Variants in MTHFSD observed in about 807,000 individuals in gnomAD.
MTHFSD encodes the protein methenyltetrahydrofolate synthetase domain containing.
A neutral mutation model predicts 31.1 loss-of-function variants in MTHFSD; 37 were observed. That is an observed-to-expected ratio of 1.19 (90% CI 0.91 to 1.56). The LOEUF is 1.56. Ranked by LOEUF, MTHFSD falls within the 40% of genes most tolerant of loss-of-function variation. MTHFSD has a pLI of 0.00. For synonymous variants in MTHFSD, 221 were observed against 206.9 expected (o/e 1.07, Z -0.59); for missense variants, 664 against 510.1 (o/e 1.30, Z -2.91).
chr16:86,545,067 G>A (rs966886277), intron 5 of MTHFSD, among the ~76,000 whole-genome samples: 3 of 152,216 alleles, frequency 2.0e-5, no homozygotes, highest in Admixed American at 6.5e-5. Context: ...GGCAGGGGCA[G>A]TGGGAGGGAG....
rs760218043 is a variant in MTHFSD, at chr16:86,552,013, G to C, written c.237+20C>G. The C allele has an allele frequency of 6.2e-7, 1 of 1,614,006 alleles. No homozygotes were observed. The highest frequency in any genetic ancestry group is 8.5e-7 in the Non-Finnish European group (1 of 1,179,952). ...CCCTTGGCGGCCAGGTCTCGGCTCG[G>C]CTCAGGGAAGTGGAATTACCTGCAG... On this transcript the variant is annotated intron_variant, in intron 3 of 7. Coordinates refer to ENST00000360900, the MANE Select transcript of MTHFSD (RefSeq NM_001159377.2).
At position 86,553,684 on chromosome 16, in the gene MTHFSD, C is replaced by G. The variant is rs989875966; in HGVS notation, c.123+961G>C. 5 of 153,204 alleles carry G rather than the reference C, an allele frequency of 3.3e-5. No individual in the cohort carries two copies. The Admixed American group carries it at 3.3e-4, about 10-fold the overall frequency. 9.5% of individuals were successfully genotyped at this position (153,204 alleles called of 1,614,324 possible). A position where few individuals can be genotyped will look rare whatever the true frequency, so the allele number is the denominator to read the frequency against. On this transcript the variant is annotated intron_variant, in intron 2 of 7. Transcript: ENST00000360900. The stretch of plus-strand genomic sequence containing the variant: ...CAGCTAGAGCCTCCCCGAGGAGCGA[C>G]GCTCCTGCTCCACGGTGCCTGGTGC...
In MTHFSD at chr16:86,542,521, G is replaced by A. The variant is rs546720376; in HGVS notation, c.443-308C>T. ...ACTCATGTCAGCTTTATGTTAGCAA[G>A]ACTCATACTTAAAAAGAATGAAAAG... On this transcript the variant is annotated intron_variant, in intron 5 of 7. Transcript: ENST00000360900. The surrounding 1 kb of genome is among the most constrained non-coding windows in gnomAD (Gnocchi z 4.6). 1.9e-4 allele frequency: 52 copies of A among 272,480 alleles called. 1 individual carries two copies. Among genetic ancestry groups the A allele is most frequent in the South Asian group, 1.5e-3 (17 of 11,118 alleles). The allele number at this position is 272,480 out of a possible 1,614,324, so 16.9% of individuals were successfully genotyped here.
chr16:86,545,651 C>G (rs1332020367), intron 5 of MTHFSD, among the ~76,000 whole-genome samples: 3 of 152,146 alleles, frequency 2.0e-5, no homozygotes, highest in Non-Finnish European at 2.9e-5. Flanking sequence ...CAGGCTGGCA[C>G]GTCCCTCCTC....
chr16:86,535,123 A>G (rs1157704531), intron 7 of MTHFSD: 1 of 557,268 alleles, frequency 1.8e-6, no homozygotes, highest in Non-Finnish European at 2.3e-6. Flanking sequence ...CAAATATACA[A>G]TCGGCTGAAG....
intron 2 of MTHFSD, among the ~76,000 whole-genome samples, chr16:86,554,327 G>A (rs1328430431): frequency 6.6e-6 from 1 of 152,174 alleles, no homozygotes. Flanking sequence ...CAGACACGCT[G>A]CCTTTAAAAA....
At chr16:86,551,699 C>A (rs1017426097) in intron 3 of MTHFSD, among the ~76,000 whole-genome samples, 1 of 152,176 alleles carries the variant, frequency 6.6e-6, no homozygotes, top group African/African-American at 2.4e-5. Flanking sequence ...GTGGTGTCAT[C>A]TATTTCAGCT....
chr16:86,540,305 G>T (rs191643829), intron 7 of MTHFSD, among the ~76,000 whole-genome samples: 1 of 152,318 alleles, frequency 6.6e-6, no homozygotes, highest in East Asian at 1.9e-4. Context: ...GACAAACAGC[G>T]AAGCCCCCGA....
intron 7 of MTHFSD, chr16:86,540,597 A>G: frequency 1.1e-6 from 1 of 873,082 alleles, no homozygotes. Context: ...CAACCTTCCC[A>G]CCATCCCTGT....
At chr16:86,544,865 A>T (rs1473611922) in intron 5 of MTHFSD, among the ~76,000 whole-genome samples, 1 of 152,246 alleles carries the variant, frequency 6.6e-6, no homozygotes, top group Non-Finnish European at 1.5e-5. Flanking sequence ...ACTATGGAAT[A>T]CTATGCAGCC....
chr16:86,554,839 C>T, intron 1 of MTHFSD, 88 bp from the exon 2 acceptor site: 1 of 1,217,512 alleles, frequency 8.2e-7, no homozygotes, highest in Non-Finnish European at 1.2e-6. Flanking sequence ...GCGACCCCCG[C>T]GTGTAGGTCA....
At chr16:86,551,848 T>C (rs565559450) in intron 3 of MTHFSD, 185 bp downstream of exon 3, 16 of 1,109,544 alleles carry the variant, frequency 1.4e-5, no homozygotes, top group African/African-American at 6.3e-5. Context: ...ACTGAATTGC[T>C]AAACAGCTGA....
chr16:86,547,291 T>C (rs1972461911), intron 4 of MTHFSD: 7 of 985,694 alleles, frequency 7.1e-6, no homozygotes, highest in Non-Finnish European at 8.4e-6. Context: ...ATATAAAGAA[T>C]AGGGAAGCTG....
chr16:86,546,325 A>G (rs1972296497), intron 5 of MTHFSD, among the ~76,000 whole-genome samples: 2 of 152,244 alleles, frequency 1.3e-5, no homozygotes, highest in South Asian at 4.1e-4. Context: ...GAGTTATCTC[A>G]CTTTGTTTTT....
At chr16:86,551,258 G>A (rs1433697680) in intron 3 of MTHFSD, among the ~76,000 whole-genome samples, 1 of 152,098 alleles carries the variant, frequency 6.6e-6, no homozygotes, top group Non-Finnish European at 1.5e-5. Context: ...CAACCCTGGG[G>A]GAGTTTTCTG....
chr16:86,537,827 C>A (rs1202017733), intron 7 of MTHFSD, among the ~76,000 whole-genome samples: 1 of 152,156 alleles, frequency 6.6e-6, no homozygotes, highest in Non-Finnish European at 1.5e-5. Context: ...AGAATTGTTT[C>A]CTTGAGTATA....
chr16:86,539,592 C>A (rs906252727), intron 7 of MTHFSD, among the ~76,000 whole-genome samples: 8 of 152,208 alleles, frequency 5.3e-5, no homozygotes, highest in African/African-American at 1.7e-4. Flanking sequence ...AATACACTCA[C>A]TGGCCACCTG....
intron 4 of MTHFSD, 103 bp downstream of exon 4, chr16:86,548,360 TA>T: frequency 9.5e-7 from 1 of 1,047,788 alleles, no homozygotes; most frequent in Non-Finnish European, 1.4e-6. Context: ...TTGGCTCTGT[TA>T]AAAATGAATT....
chr16:86,550,784 C>A (rs964877089), intron 3 of MTHFSD, among the ~76,000 whole-genome samples: 1 of 152,206 alleles, frequency 6.6e-6, no homozygotes, highest in Non-Finnish European at 1.5e-5. Context: ...GGAAGCTATG[C>A]TTCTGGAAGA....
Sources: allele counts gnomAD v4.1 joint callset (sites outside exome capture counted in the v4.1 genomes callset), GRCh38; gene constraint gnomAD v4.1.1; non-coding constraint Gnocchi (gnomAD v3.1); transcripts MANE v1.5; gene names NCBI Gene and HGNC (gene_info 2026-07-23, HGNC 2026-07-21).